Variants in ACLY observed in about 807,000 individuals in gnomAD.
The protein encoded by ACLY is ATP-citrate synthase.
ACLY carries 41 observed loss-of-function variants against 133.0 expected under a neutral mutation model. That is an observed-to-expected ratio of 0.31 (90% CI 0.24 to 0.40). ACLY has a LOEUF of 0.40. Ranked by LOEUF, ACLY falls within the 10% of genes least tolerant of loss-of-function variation. ACLY has a pLI of 1.00. For missense variants in ACLY, 1,046 were observed against 1,453.8 expected, an observed-to-expected ratio of 0.72 and a Z score of 4.56; for synonymous variants, 495 against 549.3, an observed-to-expected ratio of 0.90 and a Z score of 1.38.
intron 14 of ACLY, among the ~76,000 whole-genome samples, chr17:41,894,029 C>T (rs745397845): frequency 6.6e-6 from 1 of 151,970 alleles, no homozygotes; most frequent in Non-Finnish European, 1.5e-5. Context: ...GCCTGGCCAA[C>T]GCGGTGAAAC....
intron 13 of ACLY, among the ~76,000 whole-genome samples, chr17:41,897,274 G>A (rs945322625): frequency 6.6e-5 from 10 of 152,164 alleles, no homozygotes; most frequent in Admixed American, 1.3e-4. Flanking sequence ...GCTGACAGGC[G>A]GGGGCTTTTC....
rs899554658 is a variant in ACLY, at chr17:41,871,699, C to T, written c.2927G>A (p.Arg976Gln). ...AGAGTAACAACTCACCGACTTCACTCGGTGACCAATGCCCATGATCAGCTT... is the reference window on the plus strand; with the variant it reads ...AGAGTAACAACTCACCGACTTCACTTGGTGACCAATGCCCATGATCAGCTT... ...EGKLIMGIGHRVKSINNPDMR... is the reference protein window; with the variant it reads ...EGKLIMGIGHQVKSINNPDMR... The change falls in exon 25 of 29, where the codon CGA becomes CAA. Residue 976 changes from arginine to glutamine, a missense_variant. Physicochemically the swap from Arg to Gln is conservative, Grantham distance 43. This residue lies in a region of ACLY where 205 missense variants were observed against 373.3 expected (regional missense o/e 0.55). Transcript: ENST00000352035. The T allele has an allele frequency of 3.7e-6, 6 of 1,613,908 alleles. No homozygotes were observed. The highest frequency in any genetic ancestry group is 1.3e-5 in the African/African-American group (1 of 74,914).
At chr17:41,879,521 T>C (rs1184743396) in intron 20 of ACLY, among the ~76,000 whole-genome samples, 1 of 145,406 alleles carries the variant, frequency 6.9e-6, no homozygotes, top group African/African-American at 2.5e-5. Context: ...TGGGCTCAGG[T>C]AATCCTCCCA....
In ACLY at chr17:41,868,758, A is replaced by C. The variant is rs782806094; in HGVS notation, c.3162T>G (p.Ile1054Met). ...TREEADEYID[I>M]GALNGIFVLG... ...GCACAAAGATGCCATTGAGGGCTCC[A>C]ATGTCAATATATTCATCAGCTTCCT... Residue 1054 changes from isoleucine (I) to methionine (M), a missense_variant, in exon 28 of 29, where the codon ATT becomes ATG. By Grantham distance (10) the Ile-to-Met change is conservative. Around this residue, in one of 4 missense-constraint regions of ACLY, gnomAD observed 205 missense variants for 373.3 expected, o/e 0.55. Transcript: ENST00000352035. 1 of 1,613,960 alleles carries C rather than the reference A, an allele frequency of 6.2e-7. No individual in the cohort carries two copies. Among genetic ancestry groups the C allele is most frequent in the Non-Finnish European group, 8.5e-7 (1 of 1,180,000 alleles).
intron 5 of ACLY, 94 bp downstream of exon 5, chr17:41,909,416 G>C: frequency 7.1e-7 from 1 of 1,399,630 alleles, no homozygotes; most frequent in Non-Finnish European, 9.9e-7. Context: ...CTGGCTCCCA[G>C]AGAGGAGACC....
chr17:41,900,617 T>C (rs1454480231), intron 11 of ACLY, among the ~76,000 whole-genome samples: 1 of 151,734 alleles, frequency 6.6e-6, no homozygotes, highest in Non-Finnish European at 1.5e-5. Context: ...CCCCAATACT[T>C]GGGAGGCTGA....
At chr17:41,869,413 T>C in intron 26 of ACLY, 61 bp downstream of exon 26, 1 of 1,334,048 alleles carries the variant, frequency 7.5e-7, no homozygotes, top group South Asian at 1.2e-5. Flanking sequence ...GTAACGTGGC[T>C]CCTGTTTCCT....
intron 20 of ACLY, among the ~76,000 whole-genome samples, chr17:41,881,440 A>AG (rs71155185): frequency 6.7e-6 from 1 of 149,752 alleles, no homozygotes; most frequent in African/African-American, 2.4e-5. Flanking sequence ...AAAAAAAAAA[A>AG]GGAGAATCAG....
At chr17:41,873,760 T>C (rs2048659891) in intron 23 of ACLY, 51 bp downstream of exon 23, 3 of 1,478,852 alleles carry the variant, frequency 2.0e-6, no homozygotes, top group African/African-American at 2.9e-5. Flanking sequence ...TGGGGGAAAA[T>C]CATTAACTCT....
At chr17:41,927,862 C>A (rs781926406) in intron 1 of ACLY, among the ~76,000 whole-genome samples, 8 of 151,666 alleles carry the variant, frequency 5.3e-5, no homozygotes, top group Non-Finnish European at 1.0e-4. Context: ...TTTAGACAGG[C>A]ATGGTGGCTC....
At chr17:41,889,554 A>AAAG (rs1555628870) in intron 16 of ACLY, among the ~76,000 whole-genome samples, 1 of 150,020 alleles carries the variant, frequency 6.7e-6, no homozygotes, top group Non-Finnish European at 1.5e-5. Flanking sequence ...AAAAAAAAAA[A>AAAG]AAGAAGTAGC....
chr17:41,909,215 C>T (rs2049819562), intron 5 of ACLY, 147 bp from the exon 6 acceptor site: 1 of 709,870 alleles, frequency 1.4e-6, no homozygotes, highest in African/African-American at 1.7e-5. Context: ...CTCTGCAACC[C>T]CTGCTCCCTG....
chr17:41,879,350 C>G (rs947257725), intron 20 of ACLY, among the ~76,000 whole-genome samples: 2 of 151,682 alleles, frequency 1.3e-5, no homozygotes, highest in South Asian at 4.2e-4. Flanking sequence ...AGGTGATCCA[C>G]CAGCCTCGGC....
chr17:41,900,866 G>A (rs527549623), intron 11 of ACLY, among the ~76,000 whole-genome samples: 13 of 152,230 alleles, frequency 8.5e-5, no homozygotes, highest in Admixed American at 7.9e-4. Context: ...TACCACTGCA[G>A]GGTATGGGAA....
At chr17:41,892,862 A>C (rs2049253562) in intron 15 of ACLY, among the ~76,000 whole-genome samples, 171 bp downstream of exon 15, 1 of 152,096 alleles carries the variant, frequency 6.6e-6, no homozygotes, top group African/African-American at 2.4e-5. Context: ...TTATCTGTAG[A>C]GATGGGGGTC....
chr17:41,896,752 AG>A, intron 13 of ACLY, 103 bp from the exon 14 acceptor site: 1 of 1,096,588 alleles, frequency 9.1e-7, no homozygotes, highest in Non-Finnish European at 1.3e-6. Flanking sequence ...CAAGCCTTTC[AG>A]GGCTAAAGCC....
chr17:41,915,378 C>T (rs1206221488), intron 1 of ACLY, among the ~76,000 whole-genome samples: 1 of 152,160 alleles, frequency 6.6e-6, no homozygotes, highest in African/African-American at 2.4e-5. Context: ...TAAAGGAGGG[C>T]AGAGTGAAGG....
chr17:41,878,174 C>T lies in ACLY; in HGVS notation c.2416G>A (p.Ala806Thr), dbSNP rs782366707. The T allele has an allele frequency of 6.3e-7, 1 of 1,594,780 alleles. No individual in the cohort carries two copies. The highest frequency in any genetic ancestry group is 2.3e-5 in the East Asian group (1 of 42,880). The change falls in exon 22 of 29, where the codon GCC (alanine) becomes ACC (threonine). Residue 806 changes from alanine (A) to threonine (T), a missense_variant. Transcript: ENST00000352035. ...IIQSVYEDLV[A>T]NGVIVPAQEV... The stretch of plus-strand genomic sequence containing the variant: ...TGGGCAGGTACAATGACTCCATTGG[C>T]CACGAGATCTTCGTATACAGACCTG...
At chr17:41,892,520 G>A in intron 15 of ACLY, 73 bp from the exon 16 acceptor site, 1 of 1,363,328 alleles carries the variant, frequency 7.3e-7, no homozygotes. Context: ...CTGAGGGGAG[G>A]AATTTCACCT....
Sources: allele counts gnomAD v4.1 joint callset (sites outside exome capture counted in the v4.1 genomes callset), GRCh38; gene constraint gnomAD v4.1.1; regional missense constraint gnomAD v4.1.1; transcripts MANE v1.5; gene names NCBI Gene and HGNC (gene_info 2026-07-23, HGNC 2026-07-21).